NDFIP1: variants seen among roughly 807,000 people sequenced by gnomAD.
NDFIP1 encodes Nedd4 family interacting protein 1, also known as NEDD4 family-interacting protein 1.
A neutral mutation model predicts 28.8 loss-of-function variants in NDFIP1; 7 were observed. The observed-to-expected ratio is 0.24, with a 90% CI of 0.14 to 0.46. The LOEUF is 0.46. NDFIP1 is among the 20% of genes least tolerant of loss of function. The pLI, the probability that NDFIP1 is intolerant of heterozygous loss-of-function variation, is 0.99. For synonymous variants in NDFIP1, 92 were observed against 101.0 expected, an observed-to-expected ratio of 0.91 and a Z score of 0.53; for missense variants, 194 against 269.1, an observed-to-expected ratio of 0.72 and a Z score of 1.95.
At chr5:142,150,830 C>T (rs1016693548) in intron 7 of NDFIP1, among the ~76,000 whole-genome samples, 1 of 152,114 alleles carries the variant, frequency 6.6e-6, no homozygotes, top group African/African-American at 2.4e-5. Flanking sequence ...ATATTTGAGC[C>T]CATCCAACTC....
At chr5:142,111,210 CAT>C (rs148664738) in intron 1 of NDFIP1, among the ~76,000 whole-genome samples, 126 of 151,048 alleles carry the variant, frequency 8.3e-4, no homozygotes, top group African/African-American at 2.8e-3. Flanking sequence ...TACATTTGCA[CAT>C]GTGTATCATG....
chr5:142,127,704 C>A (rs1757184635), intron 1 of NDFIP1, among the ~76,000 whole-genome samples: 1 of 152,110 alleles, frequency 6.6e-6, no homozygotes, highest in Non-Finnish European at 1.5e-5. Flanking sequence ...GCCTATAATC[C>A]CAGCGCTTTG....
chr5:142,117,942 C>G (rs1757086672), intron 1 of NDFIP1, among the ~76,000 whole-genome samples: 2 of 152,002 alleles, frequency 1.3e-5, no homozygotes, highest in East Asian at 3.9e-4. Flanking sequence ...TGTTGCTACC[C>G]AGGCTGGCGT....
chr5:142,141,019 G>A lies in NDFIP1; in HGVS notation c.562+390G>A, dbSNP rs557853364. 4.8e-4 allele frequency among the ~76,000 whole-genome samples: 73 copies of A among 152,232 alleles called. No homozygotes were observed. The South Asian group carries it at 0.014, about 30-fold the overall frequency. On this transcript the variant is annotated intron_variant, in intron 6 of 7. Transcript: ENST00000253814. Reference sequence around the variant, plus strand: ...CAGTTGAACTAACTCATAAGTGCAGGTGGCCCATCTTTGGTGGGTCTGTCA... The same window carrying A: ...CAGTTGAACTAACTCATAAGTGCAGATGGCCCATCTTTGGTGGGTCTGTCA...
At chr5:142,131,982 G>T (rs575721376) in intron 2 of NDFIP1, 87 bp downstream of exon 2, 110 of 1,299,836 alleles carry the variant, frequency 8.5e-5, no homozygotes, top group Middle Eastern at 7.7e-4. Flanking sequence ...AGCTTCAGAA[G>T]CAGTTGGAAG....
intron 7 of NDFIP1, among the ~76,000 whole-genome samples, chr5:142,150,821 T>A (rs185034042): frequency 1.3e-5 from 2 of 152,282 alleles, no homozygotes; most frequent in African/African-American, 4.8e-5. Flanking sequence ...TATAGGCCGA[T>A]ATTTGAGCCC....
At chr5:142,111,579 G>A (rs1195905017) in intron 1 of NDFIP1, among the ~76,000 whole-genome samples, 1 of 152,140 alleles carries the variant, frequency 6.6e-6, no homozygotes, top group African/African-American at 2.4e-5. Flanking sequence ...ATACTCTTTG[G>A]TTGTCACACA....
At chr5:142,111,921 G>A (rs1355408895) in intron 1 of NDFIP1, among the ~76,000 whole-genome samples, 2 of 151,856 alleles carry the variant, frequency 1.3e-5, no homozygotes, top group Non-Finnish European at 2.9e-5. Flanking sequence ...ACAAAAATTA[G>A]CCAGGTGTGG....
At chr5:142,139,852 T>C (rs1467234576) in intron 5 of NDFIP1, among the ~76,000 whole-genome samples, 1 of 152,158 alleles carries the variant, frequency 6.6e-6, no homozygotes, top group Non-Finnish European at 1.5e-5. Flanking sequence ...ATCCTGTCTC[T>C]TAAAATTAAT....
At chr5:142,147,421 T>C (rs1233355215) in intron 7 of NDFIP1, among the ~76,000 whole-genome samples, 1 of 152,186 alleles carries the variant, frequency 6.6e-6, no homozygotes, top group Non-Finnish European at 1.5e-5. Context: ...AAGAAAGCTT[T>C]ATTTTTTTCC....
chr5:142,146,924 T>C (rs921423201), intron 7 of NDFIP1, among the ~76,000 whole-genome samples: 4 of 152,108 alleles, frequency 2.6e-5, no homozygotes, highest in African/African-American at 9.7e-5. Context: ...ACTATGTATG[T>C]GGGGTTGTGA....
At chr5:142,110,697 A>G (rs534575039) in intron 1 of NDFIP1, among the ~76,000 whole-genome samples, 10 of 152,318 alleles carry the variant, frequency 6.6e-5, no homozygotes, top group Non-Finnish European at 1.3e-4. Flanking sequence ...AACCAAATAG[A>G]TAACCAAAGG....
At chr5:142,135,914 A>G in intron 4 of NDFIP1, 97 bp downstream of exon 4, 1 of 765,662 alleles carries the variant, frequency 1.3e-6, no homozygotes, top group Non-Finnish European at 2.2e-6. Context: ...TTGAGCTAAT[A>G]TATTAATACA....
intron 1 of NDFIP1, among the ~76,000 whole-genome samples, chr5:142,118,609 T>C (rs974165673): frequency 6.6e-6 from 1 of 152,180 alleles, no homozygotes; most frequent in Non-Finnish European, 1.5e-5. Context: ...TACCCCACTT[T>C]CCATACTTAC....
intron 1 of NDFIP1, among the ~76,000 whole-genome samples, chr5:142,116,357 TC>T (rs1377979593): frequency 2.0e-3 from 107 of 53,116 alleles, no homozygotes; most frequent in African/African-American, 7.8e-3. Context: ...CTTCTTTCTC[TC>T]TCTCTCTCTC....
At chr5:142,115,418 G>T (rs1757055057) in intron 1 of NDFIP1, among the ~76,000 whole-genome samples, 1 of 151,998 alleles carries the variant, frequency 6.6e-6, no homozygotes. Context: ...TGAGTAGCTG[G>T]GATTACAGGT....
intron 3 of NDFIP1, 84 bp downstream of exon 3, chr5:142,132,426 T>G: frequency 1.4e-6 from 2 of 1,469,770 alleles, no homozygotes; most frequent in Non-Finnish European, 9.2e-7. Flanking sequence ...TCGTTACTTA[T>G]GATTGTATTG....
chr5:142,125,278 A>AT (rs1449563339), intron 1 of NDFIP1, among the ~76,000 whole-genome samples: 2 of 152,026 alleles, frequency 1.3e-5, no homozygotes, highest in Non-Finnish European at 2.9e-5. Flanking sequence ...TACTGTGAAG[A>AT]TTCATGTACC....
At chr5:142,120,877 G>T (rs1423287498) in intron 1 of NDFIP1, among the ~76,000 whole-genome samples, 10 of 152,258 alleles carry the variant, frequency 6.6e-5, no homozygotes, top group African/African-American at 2.4e-4. Flanking sequence ...CTTGAAGGAA[G>T]AGGGGACCTC....
Sources: gnomAD v4.1 joint callset for allele counts (sites outside exome capture counted in the v4.1 genomes callset) on GRCh38, gnomAD v4.1.1 for gene constraint, MANE v1.5 for transcripts, NCBI Gene and HGNC (gene_info 2026-07-23, HGNC 2026-07-21) for gene names.